Variants in OPRM1 observed in about 807,000 individuals in gnomAD.
OPRM1 encodes mu-type opioid receptor.
A neutral mutation model predicts 31.8 loss-of-function variants in OPRM1; 27 were observed. The ratio of observed to expected loss-of-function variants is 0.85; its 90% CI spans 0.63 to 1.17. The LOEUF (loss-of-function observed/expected upper bound fraction) is 1.17. Among genes scored for constraint, OPRM1 ranks in the 50% most tolerant of loss-of-function variants. The probability of loss-of-function intolerance (pLI) is 0.00; values close to 1 mark genes in which losing one functional copy is unlikely to be tolerated. For synonymous variants in OPRM1, 196 were observed against 189.9 expected, an observed-to-expected ratio of 1.03 and a Z score of -0.26; for missense variants, 536 against 511.1, an observed-to-expected ratio of 1.05 and a Z score of -0.47.
intron 3 of OPRM1, among the ~76,000 whole-genome samples, chr6:154,230,691 T>C (rs1351933280): frequency 6.6e-6 from 1 of 152,158 alleles, no homozygotes; most frequent in Non-Finnish European, 1.5e-5. Context: ...AAAGTAATAT[T>C]ATATCTCTAT....
intron 1 of OPRM1, chr6:154,087,832 A>T (rs1418516554): frequency 6.6e-6 from 1 of 152,632 alleles, no homozygotes; most frequent in Non-Finnish European, 1.5e-5. Context: ...GTTAAAAAAA[A>T]AATGATGTCC....
In OPRM1 at chr6:154,084,314, G is replaced by A. The variant is rs139479637; in HGVS notation, c.291-5512G>A. Among the ~76,000 whole-genome samples the A allele has an allele frequency of 6.0e-3, 912 of 152,126 alleles. 7 individuals carry two copies. Among genetic ancestry groups the A allele is most frequent in the African/African-American group, 0.021 (870 of 41,492 alleles). ...CTAGTGGAGAATATAATACAAAATAGCAACCTAATATATAGTCTTTCTCCA... is the reference window on the plus strand; with the variant it reads ...CTAGTGGAGAATATAATACAAAATAACAACCTAATATATAGTCTTTCTCCA... On this transcript the variant is annotated intron_variant, in intron 1 of 3. Coordinates refer to ENST00000330432, the MANE Select transcript of OPRM1 (RefSeq NM_000914.5).
At position 154,159,617 on chromosome 6, in the gene OPRM1, A is replaced by G; in HGVS notation, c.1164+68145A>G. ...AAAAAACGCCTTTCAACTGAACTCA[A>G]TCATTCCAATCTCAATGGATGCGTT... On this transcript the variant is annotated intron_variant, in intron 3 of 3. Coordinates refer to the OPRM1 transcript ENST00000337049. The G allele has an allele frequency of 7.1e-6, 4 of 564,500 alleles. No homozygotes were observed. The South Asian group carries it at 9.2e-5, about 13-fold the overall frequency. The allele number at this position is 564,500 out of a possible 1,614,324, so 35.0% of individuals were successfully genotyped here. A position where few individuals can be genotyped will look rare whatever the true frequency, so the allele number is the denominator to read the frequency against.
intron 3 of OPRM1, chr6:154,091,751 A>G (rs1238362074): frequency 5.2e-6 from 6 of 1,162,332 alleles, no homozygotes; most frequent in Non-Finnish European, 6.4e-6. Context: ...TGCAAAATTT[A>G]TGACTTTAGC....
intron 3 of OPRM1, among the ~76,000 whole-genome samples, chr6:154,166,324 A>G (rs184933275): frequency 2.0e-5 from 3 of 152,332 alleles, no homozygotes; most frequent in East Asian, 3.9e-4. Flanking sequence ...GTAAAGATCT[A>G]GAATCCTGAG....
chr6:154,146,405 A>G (rs893041854), intron 3 of OPRM1, among the ~76,000 whole-genome samples: 3 of 152,240 alleles, frequency 2.0e-5, no homozygotes, highest in Non-Finnish European at 2.9e-5. Context: ...CTCTCAAAAA[A>G]AGAAAAGAAA....
At chr6:154,210,302 A>G (rs754606365) in intron 3 of OPRM1, among the ~76,000 whole-genome samples, 2 of 152,218 alleles carry the variant, frequency 1.3e-5, no homozygotes, top group Non-Finnish European at 2.9e-5. Context: ...CTAAATAATC[A>G]TAAAAAGAGG....
Position 154,065,341 on chromosome 6 carries a change from G to T in OPRM1, c.291-24485G>T, listed in dbSNP as rs563596425. Among the ~76,000 whole-genome samples the T allele has an allele frequency of 1.4e-4, 22 of 151,784 alleles. No homozygotes were observed. The South Asian group carries it at 4.4e-3, about 30-fold the overall frequency. On this transcript the variant is annotated intron_variant, in intron 1 of 3. Transcript: ENST00000330432. ...ATTTTTGTATTTTTAGTAGAGTTGGGGTTTCACCATGTTGGCCAGGATGGT... is the reference window on the plus strand; with the variant it reads ...ATTTTTGTATTTTTAGTAGAGTTGGTGTTTCACCATGTTGGCCAGGATGGT...
At chr6:154,245,741 C>T (rs961045524) in intron 3 of OPRM1, among the ~76,000 whole-genome samples, 2 of 152,206 alleles carry the variant, frequency 1.3e-5, no homozygotes, top group Non-Finnish European at 2.9e-5. Context: ...AAGGGACTCA[C>T]ACTCTCCTGA....
intron 3 of OPRM1, among the ~76,000 whole-genome samples, chr6:154,195,147 C>T (rs200145455): frequency 0.013 from 1,612 of 122,876 alleles, 28 homozygotes; most frequent in African/African-American, 0.045. Context: ...TCTTTTCTTT[C>T]TTTTTTTTTT....
chr6:154,020,629 G>A (rs147026898), intron 1 of OPRM1, among the ~76,000 whole-genome samples: 2 of 152,180 alleles, frequency 1.3e-5, no homozygotes, highest in Non-Finnish European at 2.9e-5. Context: ...GATTATGATC[G>A]GCACTGTGAA....
intron 3 of OPRM1, among the ~76,000 whole-genome samples, chr6:154,163,929 G>A (rs1030546714): frequency 3.3e-5 from 5 of 152,164 alleles, no homozygotes; most frequent in Admixed American, 6.5e-5. Context: ...AGTGCAGTAG[G>A]AAAGCAGAGG....
chr6:154,160,536 TAC>T (rs964162577), intron 3 of OPRM1, among the ~76,000 whole-genome samples: 17 of 152,214 alleles, frequency 1.1e-4, no homozygotes, highest in Non-Finnish European at 2.1e-4. Flanking sequence ...ACAGAATAAA[TAC>T]ACAGATTATC....
chr6:154,177,218 A>G (rs1271093688), intron 3 of OPRM1, among the ~76,000 whole-genome samples: 2 of 152,234 alleles, frequency 1.3e-5, no homozygotes, highest in Non-Finnish European at 2.9e-5. Flanking sequence ...CGTTCAGGAC[A>G]TAGGCATGGG....
At chr6:154,186,470 A>T (rs1240360320) in intron 3 of OPRM1, among the ~76,000 whole-genome samples, 2 of 152,222 alleles carry the variant, frequency 1.3e-5, no homozygotes, top group Non-Finnish European at 2.9e-5. Flanking sequence ...ACCTGAACAC[A>T]GGCAGCAGCC....
intron 3 of OPRM1, among the ~76,000 whole-genome samples, chr6:154,211,766 T>C (rs1380911843): frequency 6.6e-6 from 1 of 152,220 alleles, no homozygotes; most frequent in Non-Finnish European, 1.5e-5. Context: ...ATTGTGTTTT[T>C]TGCATTATTT....
At chr6:154,093,556 T>C (rs1198191126) in intron 3 of OPRM1, 4 of 1,538,510 alleles carry the variant, frequency 2.6e-6, no homozygotes, top group African/African-American at 2.7e-5. Context: ...AAGAAGCTAA[T>C]TGGAGGAGTT....
chr6:154,079,081 G>T (rs1267279909), intron 1 of OPRM1, among the ~76,000 whole-genome samples: 3 of 152,126 alleles, frequency 2.0e-5, no homozygotes, highest in African/African-American at 7.2e-5. Context: ...CTCAGTGTGA[G>T]CCCTGCCTTT....
intron 1 of OPRM1, among the ~76,000 whole-genome samples, chr6:154,083,920 G>A (rs1789810108): frequency 6.9e-6 from 1 of 145,552 alleles, no homozygotes; most frequent in Non-Finnish European, 1.5e-5. Context: ...CTCCAGCCTG[G>A]GCGACAAAGG....
Sources: gnomAD v4.1 joint callset for allele counts (sites outside exome capture counted in the v4.1 genomes callset) on GRCh38, gnomAD v4.1.1 for gene constraint, MANE v1.5 for transcripts, NCBI Gene and HGNC (gene_info 2026-07-23, HGNC 2026-07-21) for gene names.